Variants in UBE2W observed in about 807,000 individuals in gnomAD.
UBE2W encodes ubiquitin conjugating enzyme E2 W.
UBE2W carries 18 observed loss-of-function variants against 27.2 expected under a neutral mutation model. The ratio of observed to expected loss-of-function variants is 0.66; its 90% CI spans 0.46 to 0.98. The LOEUF (loss-of-function observed/expected upper bound fraction) is 0.98, where lower values mean the gene tolerates loss of function less well. Among genes scored for constraint, UBE2W ranks in the 50% least tolerant of loss-of-function variants. The pLI is 0.00. For missense variants in UBE2W, 90 were observed against 180.2 expected (o/e 0.50, Z 2.87); for synonymous variants, 53 against 57.2 (o/e 0.93, Z 0.33).
At chr8:73,850,725 T>TAAAAAAAAAAAAAAAA (rs11318665) in intron 1 of UBE2W, among the ~76,000 whole-genome samples, 1 of 63,590 alleles carries the variant, frequency 1.6e-5, no homozygotes, top group Non-Finnish European at 2.9e-5. Context: ...AGCAGGACAT[T>TAAAAAAAAAAAAAAAA]AAAAAAAAAA....
intron 1 of UBE2W, among the ~76,000 whole-genome samples, chr8:73,843,107 T>C (rs1316090598): frequency 6.6e-6 from 1 of 152,206 alleles, no homozygotes; most frequent in Non-Finnish European, 1.5e-5. Context: ...ATCACTGATA[T>C]GAAATGTCTA....
Position 73,793,556 on chromosome 8 carries a change from G to T in UBE2W, c.*546C>A. 3 of 985,836 alleles carry T rather than the reference G, an allele frequency of 3.0e-6. No homozygotes were observed. The highest frequency in any genetic ancestry group is 3.6e-6 in the Non-Finnish European group (3 of 829,926). 61.1% of individuals were successfully genotyped at this position (985,836 alleles called of 1,614,324 possible). ...CCTTTAAAGACGCATGTTAATTCATGCTGTTAACCTTAGGATCACAGTGCA... is the reference window on the plus strand; with the variant it reads ...CCTTTAAAGACGCATGTTAATTCATTCTGTTAACCTTAGGATCACAGTGCA... On this transcript the variant is annotated 3_prime_UTR_variant, in exon 6 of 6. Coordinates refer to ENST00000602593, the MANE Select transcript of UBE2W (RefSeq NM_018299.6).
Position 73,792,229 on chromosome 8 carries a change from C to G in UBE2W, c.*1873G>C, listed in dbSNP as rs190526174. ...GCCAACTAATAAAACTGACAGAGAT[C>G]ATTGTGAGAATTTATCTAGTCAAGA... On this transcript the variant is annotated 3_prime_UTR_variant, in exon 6 of 6. Transcript: ENST00000602593. 1 of 985,630 alleles carries G rather than the reference C, an allele frequency of 1.0e-6. No homozygotes were observed. Among genetic ancestry groups the G allele is most frequent in the East Asian group, 1.1e-4 (1 of 8,820 alleles). 61.1% of individuals were successfully genotyped at this position (985,630 alleles called of 1,614,324 possible). A position where few individuals can be genotyped will look rare whatever the true frequency, so the allele number is the denominator to read the frequency against.
chr8:73,845,355 C>T (rs1007747095), intron 1 of UBE2W, among the ~76,000 whole-genome samples: 21 of 152,168 alleles, frequency 1.4e-4, no homozygotes, highest in South Asian at 4.1e-4. Flanking sequence ...CATTTTGTTC[C>T]GTACTAAGAG....
intron 1 of UBE2W, among the ~76,000 whole-genome samples, chr8:73,847,496 C>G (rs1464032239): frequency 6.6e-6 from 1 of 152,108 alleles, no homozygotes; most frequent in Non-Finnish European, 1.5e-5. Context: ...CCAAGGTATA[C>G]CCAGCATATA....
intron 5 of UBE2W, among the ~76,000 whole-genome samples, chr8:73,799,345 C>T (rs927674708): frequency 6.6e-6 from 1 of 151,800 alleles, no homozygotes; most frequent in African/African-American, 2.4e-5. Flanking sequence ...TGTAGAAAAC[C>T]ACAAATTTAA....
At chr8:73,846,939 G>A (rs556217526) in intron 1 of UBE2W, among the ~76,000 whole-genome samples, 13 of 152,234 alleles carry the variant, frequency 8.5e-5, no homozygotes, top group African/African-American at 1.7e-4. Context: ...TTGGGAGGCC[G>A]AGGCGGGTGG....
At chr8:73,858,879 C>T (rs1332300898) in intron 1 of UBE2W, among the ~76,000 whole-genome samples, 1 of 141,726 alleles carries the variant, frequency 7.1e-6, no homozygotes, top group South Asian at 2.3e-4. Context: ...TTTTTGCGTG[C>T]GTGTGTGTGT....
At chr8:73,878,205 G>A (rs1352752514) in intron 1 of UBE2W, among the ~76,000 whole-genome samples, 1 of 152,218 alleles carries the variant, frequency 6.6e-6, no homozygotes, top group Non-Finnish European at 1.5e-5. Context: ...AGAATACCGA[G>A]GCTGATGGAA....
At chr8:73,838,597 C>T (rs534551838) in intron 1 of UBE2W, among the ~76,000 whole-genome samples, 28 of 152,248 alleles carry the variant, frequency 1.8e-4, no homozygotes, top group African/African-American at 6.3e-4. Context: ...AGAGATGACA[C>T]GGGTTCAGTT....
In UBE2W at chr8:73,786,597, G is replaced by T. The variant is rs1238023568; in HGVS notation, c.*7505C>A. 4 of 985,386 alleles carry T rather than the reference G, an allele frequency of 4.1e-6. No homozygotes were observed. Among genetic ancestry groups the T allele is most frequent in the Non-Finnish European group, 4.8e-6 (4 of 829,942 alleles). 61.0% of individuals were successfully genotyped at this position (985,386 alleles called of 1,614,324 possible). A position where few individuals can be genotyped will look rare whatever the true frequency, so the allele number is the denominator to read the frequency against. On this transcript the variant is annotated 3_prime_UTR_variant, in exon 6 of 6. Coordinates refer to ENST00000602593, the MANE Select transcript of UBE2W (RefSeq NM_018299.6). Reference sequence around the variant, plus strand: ...TGAACTAGACCTTTCAGGTAGAAACGCAGATCATGAACATTCTAGGAGGGA... The same window carrying T: ...TGAACTAGACCTTTCAGGTAGAAACTCAGATCATGAACATTCTAGGAGGGA...
At chr8:73,878,358 G>A (rs1400817833) in intron 1 of UBE2W, among the ~76,000 whole-genome samples, 1 of 152,226 alleles carries the variant, frequency 6.6e-6, no homozygotes, top group Non-Finnish European at 1.5e-5. Context: ...CTCCGGAGAC[G>A]CATTCTCGGC....
chr8:73,781,949 T>C (rs1807854071), downstream of UBE2W, among the ~76,000 whole-genome samples: 1 of 48,042 alleles, frequency 2.1e-5, no homozygotes, highest in African/African-American at 6.7e-5. Context: ...TTTTTTTTTT[T>C]TTTTTTTTTT....
At chr8:73,782,356 T>C (rs553140928), downstream of UBE2W, among the ~76,000 whole-genome samples, 1 of 152,254 alleles carries the variant, frequency 6.6e-6, no homozygotes, top group East Asian at 1.9e-4. Context: ...ATCAAGATAA[T>C]GAACATATGT....
intron 1 of UBE2W, among the ~76,000 whole-genome samples, chr8:73,842,640 A>T (rs967097805): frequency 6.6e-6 from 1 of 151,996 alleles, no homozygotes; most frequent in South Asian, 2.1e-4. Flanking sequence ...AAGCCTCAAA[A>T]ATACATGTAA....
chr8:73,787,431 G>T lies in UBE2W; in HGVS notation c.*6671C>A. The T allele has an allele frequency of 1.0e-6, 1 of 985,328 alleles. No individual in the cohort carries two copies. The highest frequency in any genetic ancestry group is 1.2e-6 in the Non-Finnish European group (1 of 829,912). The allele number at this position is 985,328 out of a possible 1,614,324, so 61.0% of individuals were successfully genotyped here. A position where few individuals can be genotyped will look rare whatever the true frequency, so the allele number is the denominator to read the frequency against. On this transcript the variant is annotated 3_prime_UTR_variant, in exon 6 of 6. Transcript: ENST00000602593. ...GTAGAAATTAAGGATTATAATAAAG[G>T]AAAAGGGCATCATCAAAGTACAAAA...
chr8:73,861,564 T>TC (rs1811534356), intron 1 of UBE2W, among the ~76,000 whole-genome samples: 1 of 152,158 alleles, frequency 6.6e-6, no homozygotes, highest in African/African-American at 2.4e-5. Context: ...CACCTTGGCC[T>TC]CCCAAAGTGC....
At chr8:73,863,748 C>T (rs1811626196) in intron 1 of UBE2W, among the ~76,000 whole-genome samples, 1 of 151,774 alleles carries the variant, frequency 6.6e-6, no homozygotes, top group East Asian at 1.9e-4. Context: ...ACAGAGACAT[C>T]ATCTCAAAAA....
At chr8:73,812,105 C>CT (rs1217741519) in intron 3 of UBE2W, among the ~76,000 whole-genome samples, 13 of 151,680 alleles carry the variant, frequency 8.6e-5, no homozygotes, top group African/African-American at 3.1e-4. Flanking sequence ...ATTTCCTTGG[C>CT]TAAGACTAGA....
Sources: allele counts gnomAD v4.1 joint callset (sites outside exome capture counted in the v4.1 genomes callset), GRCh38; gene constraint gnomAD v4.1.1; transcripts MANE v1.5; gene names NCBI Gene and HGNC (gene_info 2026-07-23, HGNC 2026-07-21).